PARVB: variants seen among roughly 807,000 people sequenced by gnomAD.
PARVB encodes parvin beta, also known as beta-parvin.
In PARVB, 46 loss-of-function variants were observed where a neutral mutation model predicts 47.0. That is an observed-to-expected ratio of 0.98 (90% CI 0.77 to 1.25). The LOEUF is 1.25. Ranked by LOEUF, PARVB falls within the 50% of genes most tolerant of loss-of-function variation. PARVB has a pLI of 0.00. For missense variants in PARVB, 473 were observed against 471.6 expected, an observed-to-expected ratio of 1.00 and a Z score of -0.03; for synonymous variants, 196 against 196.3, an observed-to-expected ratio of 1.00 and a Z score of 0.01.
At chr22:44,024,291 CGG>C (rs2050691282), upstream of PARVB, 1 of 974,834 alleles carries the variant, frequency 1.0e-6, no homozygotes, top group African/African-American at 1.8e-5. Context: ...CCGGGGCGAC[CGG>C]GCGGCTCCAC....
At chr22:44,060,091 G>A (rs1449657272) in intron 1 of PARVB, among the ~76,000 whole-genome samples, 1 of 152,160 alleles carries the variant, frequency 6.6e-6, no homozygotes, top group Non-Finnish European at 1.5e-5. Flanking sequence ...AAGGCAGGTG[G>A]ATCACCTGAG....
At chr22:44,160,832 G>A (rs144716191) in intron 11 of PARVB, among the ~76,000 whole-genome samples, 5 of 152,294 alleles carry the variant, frequency 3.3e-5, no homozygotes, top group Admixed American at 6.5e-5. Flanking sequence ...TCATGGTGTA[G>A]GGGTGACCAC....
At position 44,147,928 on chromosome 22, in the gene PARVB, C is replaced by A. The variant is rs776804250; in HGVS notation, c.774+6C>A. 1 of 1,613,232 alleles carries A rather than the reference C, an allele frequency of 6.2e-7. No homozygotes were observed. Among genetic ancestry groups the A allele is most frequent in the Non-Finnish European group, 8.5e-7 (1 of 1,179,324 alleles). On this transcript the variant is annotated splice_donor_region_variant and intron_variant, in intron 9 of 12. Coordinates refer to ENST00000338758, the MANE Select transcript of PARVB (RefSeq NM_013327.5). Reference sequence around the variant, plus strand: ...AGCTCAGCGTGGTGAAGAAGGTGAGCTATTGGTGGGATGTTGGATGTGCTC... The same window carrying A: ...AGCTCAGCGTGGTGAAGAAGGTGAGATATTGGTGGGATGTTGGATGTGCTC...
chr22:44,080,518 G>A (rs1292534074), intron 1 of PARVB, among the ~76,000 whole-genome samples: 2 of 152,118 alleles, frequency 1.3e-5, no homozygotes, highest in Non-Finnish European at 2.9e-5. Context: ...GCTTCCTCTT[G>A]TAAGGACCCT....
chr22:44,125,696 C>T lies in PARVB; in HGVS notation c.377-5791C>T, dbSNP rs954830423. ...AGGCTGGGGCCAGATCTCATTCAGCCCTGCTAGACAACAGTCTATTCCAAG... is the reference window on the plus strand; with the variant it reads ...AGGCTGGGGCCAGATCTCATTCAGCTCTGCTAGACAACAGTCTATTCCAAG... On this transcript the variant is annotated intron_variant, in intron 4 of 12. Transcript: ENST00000338758. This position sits in a 1 kb window ranked among gnomAD's most constrained non-coding sequence, Gnocchi z 4.1. Among the ~76,000 whole-genome samples the T allele has an allele frequency of 6.6e-6, 1 of 152,144 alleles. No individual in the cohort carries two copies. Among genetic ancestry groups the T allele is most frequent in the Non-Finnish European group, 1.5e-5 (1 of 68,026 alleles).
chr22:44,166,033 C>T (rs376464216), intron 12 of PARVB, among the ~76,000 whole-genome samples: 24 of 152,330 alleles, frequency 1.6e-4, no homozygotes, highest in South Asian at 1.0e-3. Flanking sequence ...GTGCTTCCCC[C>T]GTACCCTCAG....
intron 1 of PARVB, among the ~76,000 whole-genome samples, chr22:44,024,890 C>A (rs749856121): frequency 7.5e-4 from 114 of 152,206 alleles, no homozygotes; most frequent in Non-Finnish European, 1.5e-3. Context: ...GGGCGCCCTG[C>A]AGGGTGCGGG....
chr22:44,060,057 G>C (rs2146956802), intron 1 of PARVB, among the ~76,000 whole-genome samples: 3 of 152,292 alleles, frequency 2.0e-5, no homozygotes, highest in Non-Finnish European at 4.4e-5. Flanking sequence ...GCTCATGTCT[G>C]TCATCCTAGC....
intron 1 of PARVB, among the ~76,000 whole-genome samples, chr22:44,048,765 T>C (rs2051158303): frequency 6.6e-6 from 1 of 152,160 alleles, no homozygotes; most frequent in Admixed American, 6.6e-5. Flanking sequence ...TTTCACCATG[T>C]TGGTCAGGCT....
chr22:44,082,161 C>T (rs188102044), intron 1 of PARVB, among the ~76,000 whole-genome samples: 12 of 152,252 alleles, frequency 7.9e-5, no homozygotes, highest in East Asian at 3.9e-4. Flanking sequence ...CACTGTGCAC[C>T]GCAAGGTGGG....
At chr22:44,119,960 A>G (rs947689002) in intron 4 of PARVB, 5 of 445,406 alleles carry the variant, frequency 1.1e-5, no homozygotes, top group African/African-American at 4.0e-5. Flanking sequence ...GCATGAGAGG[A>G]ATTCTTGGAC....
At chr22:44,031,591 C>G (rs1218712835) in intron 1 of PARVB, 1 of 151,888 alleles carries the variant, frequency 6.6e-6, no homozygotes, top group Non-Finnish European at 1.5e-5. Context: ...CGGTGGTTCT[C>G]CTAGCACCTT....
intron 4 of PARVB, among the ~76,000 whole-genome samples, chr22:44,129,360 A>T (rs1472013732): frequency 6.6e-6 from 1 of 152,172 alleles, no homozygotes; most frequent in Non-Finnish European, 1.5e-5. Flanking sequence ...GGTGTGTGGC[A>T]TGCTTCGTTG....
At chr22:44,099,950 C>T (rs1601599718) in intron 2 of PARVB, 103 bp from the exon 3 acceptor site, 5 of 932,462 alleles carry the variant, frequency 5.4e-6, no homozygotes, top group Non-Finnish European at 8.8e-6. Context: ...GTGCTGGGTT[C>T]TCTGCTTCTC....
rs951956888 is a variant in PARVB, at chr22:44,169,049, A to C, written c.*371A>C. The C allele has an allele frequency of 4.9e-6, 1 of 205,988 alleles. No homozygotes were observed. Among genetic ancestry groups the C allele is most frequent in the Non-Finnish European group, 1.0e-5 (1 of 99,644 alleles). The allele number at this position is 205,988 out of a possible 1,614,324, so 12.8% of individuals were successfully genotyped here. A position where few individuals can be genotyped will look rare whatever the true frequency, so the allele number is the denominator to read the frequency against. ...CCCCAGCTGGTTGAGAGCACCCTGC[A>C]TTCTGCCTCATGGTGCAGTTAGCGA... On this transcript the variant is annotated 3_prime_UTR_variant, in exon 13 of 13. Coordinates refer to ENST00000338758, the MANE Select transcript of PARVB (RefSeq NM_013327.5).
At chr22:44,165,712 C>A (rs1040985960) in intron 12 of PARVB, among the ~76,000 whole-genome samples, 24 of 152,224 alleles carry the variant, frequency 1.6e-4, no homozygotes, top group African/African-American at 5.5e-4. Flanking sequence ...CTTGTCAGAG[C>A]CTTCACTGTT....
chr22:44,025,004 A>G (rs1340863797), intron 1 of PARVB, among the ~76,000 whole-genome samples: 1 of 152,152 alleles, frequency 6.6e-6, no homozygotes, highest in Non-Finnish European at 1.5e-5. Context: ...TGTGCTCACG[A>G]AACACTACCA....
chr22:44,047,118 C>T (rs529713672), intron 1 of PARVB, among the ~76,000 whole-genome samples: 21 of 152,194 alleles, frequency 1.4e-4, no homozygotes, highest in South Asian at 2.1e-4. Context: ...TAGTCTATTT[C>T]GTGTTGCTAT....
At position 44,169,246 on chromosome 22, in the gene PARVB, T is replaced by C. The variant is rs531848353; in HGVS notation, c.*568T>C. The C allele has an allele frequency of 6.6e-6, 1 of 151,212 alleles. No homozygotes were observed. The highest frequency in any genetic ancestry group is 2.1e-4 in the South Asian group (1 of 4,864). 9.4% of individuals were successfully genotyped at this position (151,212 alleles called of 1,614,324 possible). ...GAAAAACTTTAAAGTCCCAGAAGCT[T>C]AGATGTGACATGGGTGTCCTCCACC... On this transcript the variant is annotated 3_prime_UTR_variant, in exon 13 of 13. Transcript: ENST00000338758.
Sources: allele counts gnomAD v4.1 joint callset (sites outside exome capture counted in the v4.1 genomes callset), GRCh38; gene constraint gnomAD v4.1.1; non-coding constraint Gnocchi (gnomAD v3.1); transcripts MANE v1.5; gene names NCBI Gene and HGNC (gene_info 2026-07-23, HGNC 2026-07-21).